Variants in FAM81B observed in about 807,000 individuals in gnomAD.
FAM81B encodes family with sequence similarity 81 member B.
In FAM81B, 60 loss-of-function variants were observed where a neutral mutation model predicts 58.7. That is an observed-to-expected ratio of 1.02 (90% confidence interval 0.83 to 1.27). The LOEUF is 1.27. Ranked by LOEUF, FAM81B falls within the 50% of genes most tolerant of loss-of-function variation. The pLI is 0.00. For missense variants in FAM81B, 491 were observed against 522.0 expected (o/e 0.94, Z 0.58); for synonymous variants, 189 against 179.6 (o/e 1.05, Z -0.42).
intron 3 of FAM81B, among the ~76,000 whole-genome samples, chr5:95,397,992 T>C (rs774953849): frequency 1.3e-5 from 2 of 152,210 alleles, no homozygotes; most frequent in Non-Finnish European, 2.9e-5. Context: ...AATTGAATTG[T>C]TATAGCTTTG....
At chr5:95,427,061 AG>A (rs200647299) in intron 5 of FAM81B, among the ~76,000 whole-genome samples, 13,209 of 151,622 alleles carry the variant, frequency 0.087, 1,208 homozygotes, top group African/African-American at 0.25. Flanking sequence ...AAAAAAGAAA[AG>A]AAGCTTTTCC....
intron 3 of FAM81B, among the ~76,000 whole-genome samples, chr5:95,404,224 C>G (rs1762187599): frequency 1.3e-5 from 2 of 152,168 alleles, no homozygotes; most frequent in African/African-American, 2.4e-5. Flanking sequence ...TTCTTCCCTT[C>G]TGCCTCTGAC....
chr5:95,409,608 T>G (rs1762355836), intron 3 of FAM81B, among the ~76,000 whole-genome samples: 1 of 152,188 alleles, frequency 6.6e-6, no homozygotes, highest in South Asian at 2.1e-4. Context: ...ATTTCTATAT[T>G]TTATTTACCT....
chr5:95,404,088 C>A (rs1161400244), intron 3 of FAM81B, among the ~76,000 whole-genome samples: 1 of 152,102 alleles, frequency 6.6e-6, no homozygotes, highest in Non-Finnish European at 1.5e-5. Flanking sequence ...GACCAAATAC[C>A]TTTGCTGGCA....
rs142506003 is a variant in FAM81B, at chr5:95,447,929, C to T, written c.1030-340C>T. Reference sequence around the variant, plus strand: ...CACTATTCTAGCCGAAGTCTGTCCACGTGGAGGTATGAAATTGAGGGAGTA... The same window carrying T: ...CACTATTCTAGCCGAAGTCTGTCCATGTGGAGGTATGAAATTGAGGGAGTA... On this transcript the variant is annotated intron_variant, in intron 8 of 9. Coordinates refer to ENST00000283357, the MANE Select transcript of FAM81B (RefSeq NM_152548.3). 5.9e-5 allele frequency among the ~76,000 whole-genome samples: 9 copies of T among 152,210 alleles called. No individual in the cohort carries two copies. In the East Asian group the frequency reaches 9.6e-4, roughly 16 times the overall value.
chr5:95,406,023 A>C (rs1451871182), intron 3 of FAM81B: 2 of 154,176 alleles, frequency 1.3e-5, no homozygotes, highest in African/African-American at 4.8e-5. Flanking sequence ...CACCTAGAAT[A>C]GTTTGACATT....
At chr5:95,406,278 C>T (rs1253742118) in intron 3 of FAM81B, 1 of 154,544 alleles carries the variant, frequency 6.5e-6, no homozygotes, top group East Asian at 1.9e-4. Flanking sequence ...ATGAATGGAA[C>T]TGAACAGAAG....
At chr5:95,421,660 C>G (rs78296922) in intron 5 of FAM81B, among the ~76,000 whole-genome samples, 1 of 129,460 alleles carries the variant, frequency 7.7e-6, no homozygotes, top group Admixed American at 8.1e-5. Context: ...ATTCTAGTTG[C>G]AGTGAATTGG....
rs1474556979 is a variant in FAM81B at position 95,420,334 on chromosome 5, C to T, written c.588C>T (p.Asn196=). 2 of 1,613,762 alleles carry T rather than the reference C, an allele frequency of 1.2e-6. No individual in the cohort carries two copies. Among genetic ancestry groups the T allele is most frequent in the East Asian group, 2.2e-5 (1 of 44,870 alleles). The change falls in exon 5 of 10, where the codon AAC becomes AAT. Residue 196 remains asparagine (N), a synonymous_variant. Coordinates refer to ENST00000283357, the MANE Select transcript of FAM81B (RefSeq NM_152548.3). ...GAGATCAGGCGGCCACAGGAACTAA[C>T]TTTGCAGTACACGAGATAAACATCA... ...RARDQAATGT[N]FAVHEINIKH... is the part of the protein sequence containing the mutation.
In FAM81B at chr5:95,391,410, T is replaced by C. The variant is rs746130949; in HGVS notation, c.21T>C (p.Gly7=). Reference sequence around the variant, plus strand: ...TTAGGATGCAATTACAATTCCTTGGTACATTGGCTTCCTCAGAAAAAAGAA... The same window carrying C: ...TTAGGATGCAATTACAATTCCTTGGCACATTGGCTTCCTCAGAAAAAAGAA... MQLQFL[G]TLASSEKRKK... Residue 7 remains glycine (G), a synonymous_variant, in exon 1 of 10, where the codon GGT becomes GGC. Transcript: ENST00000283357. 4 of 1,613,502 alleles carry C rather than the reference T, an allele frequency of 2.5e-6. No homozygotes were observed. The highest frequency in any genetic ancestry group is 3.4e-6 in the Non-Finnish European group (4 of 1,179,696).
At chr5:95,391,634 A>G in intron 1 of FAM81B, 121 bp downstream of exon 1, 1 of 1,112,206 alleles carries the variant, frequency 9.0e-7, no homozygotes, top group Non-Finnish European at 1.2e-6. Flanking sequence ...CTTGGGCACA[A>G]CAGAGTAATA....
intron 3 of FAM81B, among the ~76,000 whole-genome samples, chr5:95,403,116 T>G (rs1035159781): frequency 6.6e-6 from 1 of 152,226 alleles, no homozygotes; most frequent in South Asian, 2.1e-4. Context: ...TCAGTGGTGT[T>G]TAGTCTTTAG....
chr5:95,413,607 T>A (rs2548654), intron 3 of FAM81B, among the ~76,000 whole-genome samples: 75,145 of 151,952 alleles, frequency 0.49, 18,973 homozygotes, highest in East Asian at 0.72. Flanking sequence ...CACTTTTGCA[T>A]CTTTATAGTT....
At chr5:95,400,895 T>C (rs1298851601) in intron 3 of FAM81B, among the ~76,000 whole-genome samples, 1 of 151,874 alleles carries the variant, frequency 6.6e-6, no homozygotes, top group Non-Finnish European at 1.5e-5. Context: ...CAGCGTTCTT[T>C]CCCCTGGAGA....
At position 95,392,973 on chromosome 5, in the gene FAM81B, G is replaced by A. The variant is rs575194999; in HGVS notation, c.228+76G>A. On this transcript the variant is annotated intron_variant, in intron 2 of 9. Transcript: ENST00000283357. ...CTTTAAAGTTTAGAGTGCTTAGAGAGTTTAAGAAGTTCTGGAAGAATAGTT... is the reference window on the plus strand; with the variant it reads ...CTTTAAAGTTTAGAGTGCTTAGAGAATTTAAGAAGTTCTGGAAGAATAGTT... 7.9e-5 allele frequency: 100 copies of A among 1,262,856 alleles called. No homozygotes were observed. The Middle Eastern group carries it at 2.0e-3, about 25-fold the overall frequency. The allele number at this position is 1,262,856 out of a possible 1,614,324, so 78.2% of individuals were successfully genotyped here.
intron 3 of FAM81B, among the ~76,000 whole-genome samples, chr5:95,410,021 A>G (rs776528163): frequency 4.6e-5 from 7 of 152,230 alleles, no homozygotes; most frequent in Non-Finnish European, 7.3e-5. Context: ...ACAAAACAAA[A>G]TAAGGTATAA....
intron 5 of FAM81B, among the ~76,000 whole-genome samples, chr5:95,426,125 T>TATACAC (rs781083080): frequency 8.5e-4 from 80 of 94,276 alleles, no homozygotes; most frequent in Admixed American, 1.4e-3. Context: ...TATATATATG[T>TATACAC]ACACATATAT....
intron 6 of FAM81B, among the ~76,000 whole-genome samples, chr5:95,435,920 G>A (rs926202980): frequency 6.6e-6 from 1 of 151,916 alleles, no homozygotes; most frequent in Non-Finnish European, 1.5e-5. Context: ...ACTGCTGTTG[G>A]TTGCCCACCC....
chr5:95,423,143 G>A (rs973461808), intron 5 of FAM81B, among the ~76,000 whole-genome samples: 35 of 141,434 alleles, frequency 2.5e-4, no homozygotes, highest in Non-Finnish European at 4.2e-4. Flanking sequence ...TTTGGCATAA[G>A]TAAAATTGAT....
Sources: allele counts gnomAD v4.1 joint callset (sites outside exome capture counted in the v4.1 genomes callset), GRCh38; gene constraint gnomAD v4.1.1; transcripts MANE v1.5; gene names NCBI Gene and HGNC (gene_info 2026-07-23, HGNC 2026-07-21).